The following CLIC4 variants were observed in gnomAD, a reference collection of about 807,000 sequenced individuals.
The protein encoded by CLIC4 is chloride intracellular channel protein 4.
CLIC4 carries 13 observed loss-of-function variants against 24.6 expected under a neutral mutation model. The observed-to-expected ratio is 0.53, with a 90% CI of 0.34 to 0.84. The LOEUF (loss-of-function observed/expected upper bound fraction) is 0.84, where lower values mean the gene tolerates loss of function less well. Among genes scored for constraint, CLIC4 ranks in the 40% least tolerant of loss-of-function variants. The pLI is 0.01. For synonymous variants in CLIC4, 104 were observed against 111.3 expected (o/e 0.93, Z 0.41); for missense variants, 227 against 301.7 (o/e 0.75, Z 1.83).
At chr1:24,837,971 C>T (rs1283525266) in intron 4 of CLIC4, among the ~76,000 whole-genome samples, 2 of 152,192 alleles carry the variant, frequency 1.3e-5, no homozygotes, top group South Asian at 2.1e-4. Context: ...CTTCTAAACA[C>T]GTTGCTCCAG....
chr1:24,831,078 A>G (rs1050610280), intron 4 of CLIC4, among the ~76,000 whole-genome samples: 5 of 152,220 alleles, frequency 3.3e-5, no homozygotes, highest in African/African-American at 9.6e-5. Context: ...TTTCATTAAT[A>G]TACCCTTGTT....
At position 24,797,803 on chromosome 1, in the gene CLIC4, T is replaced by A; in HGVS notation, c.134T>A (p.Leu45His). Reference protein sequence around the residue: ...CPFSQRLFMILWLKGVVFSVT... With the variant: ...CPFSQRLFMIHWLKGVVFSVT... ...TTTTCCCAGAGGCTCTTCATGATTC[T>A]TTGGCTCAAAGGAGTTGTATTTAGT... is the stretch of plus-strand genomic sequence containing the variant. Residue 45 changes from leucine to histidine, a missense_variant, in exon 2 of 6, where the codon CTT becomes CAT. Coordinates refer to ENST00000374379, the MANE Select transcript of CLIC4 (RefSeq NM_013943.3). 2 of 1,613,770 alleles carry A rather than the reference T, an allele frequency of 1.2e-6. No homozygotes were observed. The highest frequency in any genetic ancestry group is 1.7e-6 in the Non-Finnish European group (2 of 1,179,872).
At chr1:24,800,066 C>T (rs1267874439) in intron 2 of CLIC4, among the ~76,000 whole-genome samples, 3 of 1,630 alleles carry the variant, frequency 1.8e-3, no homozygotes, top group African/African-American at 4.0e-3. Flanking sequence ...GCCCCCTGCC[C>T]GGCCAGCTGC....
chr1:24,800,421 T>C lies in CLIC4; in HGVS notation c.182+2570T>C, dbSNP rs1417922637. On this transcript the variant is annotated intron_variant, in intron 2 of 5. Transcript: ENST00000374379. ...GGGGTCAGCCCCCAGCCTGGCCAGC[T>C]GCCCCGTCTGGGAGGGAGGTGGAGG... Among the ~76,000 whole-genome samples, 32 of 145,250 alleles carry C rather than the reference T, an allele frequency of 2.2e-4. No homozygotes were observed. The South Asian group carries it at 3.1e-3, about 14-fold the overall frequency.
At chr1:24,773,672 C>T (rs1571236817) in intron 1 of CLIC4, among the ~76,000 whole-genome samples, 1 of 137,874 alleles carries the variant, frequency 7.3e-6, no homozygotes, top group Admixed American at 8.0e-5. Context: ...TCATAGCTCA[C>T]TACATCCTTG....
chr1:24,831,026 T>G (rs1639834620), intron 4 of CLIC4, among the ~76,000 whole-genome samples: 1 of 152,248 alleles, frequency 6.6e-6, no homozygotes, highest in African/African-American at 2.4e-5. Context: ...ATACCTTATG[T>G]TGATACATAT....
At chr1:24,771,943 C>A in intron 1 of CLIC4, 1 of 465,232 alleles carries the variant, frequency 2.1e-6, no homozygotes, top group South Asian at 1.6e-5. Context: ...TTTTATATGC[C>A]AAGGTAGCCT....
intron 1 of CLIC4, among the ~76,000 whole-genome samples, chr1:24,764,103 C>A (rs933419127): frequency 6.6e-6 from 1 of 152,152 alleles, no homozygotes; most frequent in African/African-American, 2.4e-5. Context: ...GGAAAAGGAT[C>A]ATCTGCTTAG....
chr1:24,778,622 C>G (rs555844588), intron 1 of CLIC4, among the ~76,000 whole-genome samples: 1 of 152,106 alleles, frequency 6.6e-6, no homozygotes, highest in South Asian at 2.1e-4. Context: ...AGGATGGACC[C>G]TCTGTAAAAA....
Position 24,765,730 on chromosome 1 carries a change from G to A in CLIC4, c.72+20105G>A, listed in dbSNP as rs898020903. 7.2e-5 allele frequency among the ~76,000 whole-genome samples: 11 copies of A among 152,074 alleles called. 1 individual carries two copies. Among genetic ancestry groups the A allele is most frequent in the Admixed American group, 7.2e-4 (11 of 15,280 alleles). On this transcript the variant is annotated intron_variant, in intron 1 of 5. Coordinates refer to ENST00000374379, the MANE Select transcript of CLIC4 (RefSeq NM_013943.3). The stretch of plus-strand genomic sequence containing the variant: ...ATCTTTTGAAATATTTGAGATCATA[G>A]ATCCCAAAATCAGAGCCAGGGATGA...
rs10627275 is a variant in CLIC4, at chr1:24,823,774, CAAAAAAAA to C, written c.309-3225_309-3218del. 5.5e-5 allele frequency among the ~76,000 whole-genome samples: 6 copies of C among 108,726 alleles called. No homozygotes were observed. The East Asian group carries it at 1.1e-3, about 20-fold the overall frequency. 71.3% of individuals were successfully genotyped at this position (108,726 alleles called of 152,430 possible). On this transcript the variant is annotated intron_variant, in intron 3 of 5. Coordinates refer to ENST00000374379, the MANE Select transcript of CLIC4 (RefSeq NM_013943.3). ...GGACAATAAGAGCAAAACTCTGTCTCAAAAAAAAAAAAAAAAAAGACATACAAAAAAGG... is the reference window on the plus strand; with the variant it reads ...GGACAATAAGAGCAAAACTCTGTCTCAAAAAAAAAAGACATACAAAAAAGG...
At chr1:24,774,920 A>G (rs977026718) in intron 1 of CLIC4, among the ~76,000 whole-genome samples, 6 of 151,668 alleles carry the variant, frequency 4.0e-5, no homozygotes, top group East Asian at 1.9e-4. Flanking sequence ...AAAATACAAA[A>G]ATTAGCTGGA....
intron 1 of CLIC4, among the ~76,000 whole-genome samples, chr1:24,776,890 C>T (rs1184621049): frequency 1.3e-5 from 2 of 152,016 alleles, no homozygotes; most frequent in Admixed American, 6.6e-5. Context: ...CCAGCCTGGG[C>T]GACAAGAGCA....
chr1:24,753,141 G>A (rs1638799932), intron 1 of CLIC4, among the ~76,000 whole-genome samples: 1 of 151,992 alleles, frequency 6.6e-6, no homozygotes, highest in Non-Finnish European at 1.5e-5. Context: ...CCTAAACCAA[G>A]GCTAAGAACC....
chr1:24,843,682 A>G lies in CLIC4; in HGVS notation c.*2745A>G, dbSNP rs182407625. On this transcript the variant is annotated 3_prime_UTR_variant, in exon 6 of 6. Coordinates refer to ENST00000374379, the MANE Select transcript of CLIC4 (RefSeq NM_013943.3). Reference sequence around the variant, plus strand: ...ATTTCTTGGTAATTTTGGCTTTCACAATTTATCTTTAAATCCTTGAGCAAT... The same window carrying G: ...ATTTCTTGGTAATTTTGGCTTTCACGATTTATCTTTAAATCCTTGAGCAAT... 1.3e-5 allele frequency: 2 copies of G among 152,550 alleles called. No individual in the cohort carries two copies. Among genetic ancestry groups the G allele is most frequent in the East Asian group, 3.8e-4 (2 of 5,196 alleles). The allele number at this position is 152,550 out of a possible 1,614,324, so 9.4% of individuals were successfully genotyped here.
chr1:24,783,450 C>G (rs1206415412), intron 1 of CLIC4, among the ~76,000 whole-genome samples: 1 of 152,092 alleles, frequency 6.6e-6, no homozygotes, highest in Non-Finnish European at 1.5e-5. Flanking sequence ...GCCTGTAATC[C>G]TAGCACTTGG....
rs1365397172 is a variant in CLIC4 at position 24,839,928 on chromosome 1, G to T, written c.484G>T (p.Glu162Ter). Residue 162 changes from glutamate (E) to a stop codon, truncating the protein, a stop_gained, in exon 5 of 6, where the codon GAA (glutamate) becomes TAA (stop). Transcript: ENST00000374379. LOFTEE classifies it high-confidence loss of function. ...ATATCTGAATTCTCCTCTCCCTGAT[G>T]AAATTGATGAAAATAGTATGGAGGA... The part of the protein sequence containing the change: ...DEYLNSPLPD[E>*]IDENSMEDIK... 1 of 1,613,302 alleles carries T rather than the reference G, an allele frequency of 6.2e-7. No individual in the cohort carries two copies. The highest frequency in any genetic ancestry group is 8.5e-7 in the Non-Finnish European group (1 of 1,179,974).
intron 1 of CLIC4, among the ~76,000 whole-genome samples, chr1:24,754,114 T>C (rs1240252759): frequency 6.6e-6 from 1 of 152,232 alleles, no homozygotes; most frequent in Non-Finnish European, 1.5e-5. Flanking sequence ...GCCTGAGCTG[T>C]TCCTGAAGAC....
rs892254270 is a variant in CLIC4, at chr1:24,800,809, G to T, written c.182+2958G>T. Among the ~76,000 whole-genome samples the T allele has an allele frequency of 6.0e-4, 91 of 152,188 alleles. 1 individual carries two copies. The highest frequency in any genetic ancestry group is 3.4e-3 in the Middle Eastern group (1 of 294). On this transcript the variant is annotated intron_variant, in intron 2 of 5. Transcript: ENST00000374379. ...TGAAACGTGTGCTGTGTCCACTCAG[G>T]GTTAAATGGATTAAGGGTGGTGCAA...
Sources: allele counts gnomAD v4.1 joint callset (sites outside exome capture counted in the v4.1 genomes callset), GRCh38; gene constraint gnomAD v4.1.1; transcripts MANE v1.5; gene names NCBI Gene and HGNC (gene_info 2026-07-23, HGNC 2026-07-21).